The following IDH3A variants were observed in gnomAD, a reference collection of about 807,000 sequenced individuals.
IDH3A encodes isocitrate dehydrogenase [NAD] subunit alpha, mitochondrial.
A neutral mutation model predicts 43.3 loss-of-function variants in IDH3A; 23 were observed. The ratio of observed to expected loss-of-function variants is 0.53; its 90% confidence interval spans 0.38 to 0.75. The LOEUF is 0.75. IDH3A is among the 30% of genes least tolerant of loss of function. The probability of loss-of-function intolerance (pLI) is 0.00; values close to 1 mark genes in which losing one functional copy is unlikely to be tolerated. For synonymous variants in IDH3A, 154 were observed against 163.5 expected, an observed-to-expected ratio of 0.94 and a Z score of 0.44; for missense variants, 329 against 474.4, an observed-to-expected ratio of 0.69 and a Z score of 2.85.
Position 78,162,275 on chromosome 15 carries a change from G to A in IDH3A, c.519G>A (p.Glu173=), listed in dbSNP as rs143867352. ...TGCAGAGTATCAAGCTCATCACCGAGGGGGCGAGCAAGCGCATTGCTGAGT... is the reference window on the plus strand; with the variant it reads ...TGCAGAGTATCAAGCTCATCACCGAAGGGGCGAGCAAGCGCATTGCTGAGT... ...GVVQSIKLIT[E]GASKRIAEFA... is the part of the protein sequence containing the mutation. Residue 173 remains glutamate, a synonymous_variant, in exon 6 of 11, where the codon GAG becomes GAA. Coordinates refer to ENST00000299518, the MANE Select transcript of IDH3A (RefSeq NM_005530.3). 1.7e-5 allele frequency: 28 copies of A among 1,614,090 alleles called. No individual in the cohort carries two copies. Among genetic ancestry groups the A allele is most frequent in the South Asian group, 1.2e-4 (11 of 91,094 alleles).
Position 78,171,368 on chromosome 15 carries a change from G to A in IDH3A, c.*2363G>A. On this transcript the variant is annotated 3_prime_UTR_variant, in exon 11 of 11. Transcript: ENST00000299518. Reference sequence around the variant, plus strand: ...TGGCAGAAATGCCTGTGCCCAGACTGAAGAGACCTGGGGCTCAGGAAGAGG... The same window carrying A: ...TGGCAGAAATGCCTGTGCCCAGACTAAAGAGACCTGGGGCTCAGGAAGAGG... 2 of 1,275,126 alleles carry A rather than the reference G, an allele frequency of 1.6e-6. No individual in the cohort carries two copies. The highest frequency in any genetic ancestry group is 1.9e-4 in the Middle Eastern group (1 of 5,340). 79.0% of individuals were successfully genotyped at this position (1,275,126 alleles called of 1,614,324 possible).
At chr15:78,153,089 C>T (rs1003709297) in intron 1 of IDH3A, among the ~76,000 whole-genome samples, 12 of 151,844 alleles carry the variant, frequency 7.9e-5, no homozygotes, top group East Asian at 3.9e-4. Context: ...TTGTTTGAGT[C>T]GGGTCTTTTT....
rs780918706 is a variant in IDH3A, at chr15:78,149,442, C to T, written c.27+12C>T. 2 of 1,538,298 alleles carry T rather than the reference C, an allele frequency of 1.3e-6. No individual in the cohort carries two copies. The highest frequency in any genetic ancestry group is 2.6e-5 in the East Asian group (1 of 39,050). ...CGTGGATCTCTAAGGTGAGCGCTGG[C>T]AGGCCGGCGTGTGGCAGGCAGGCAG... On this transcript the variant is annotated intron_variant, in intron 1 of 10. Transcript: ENST00000299518.
rs2074805970 is a variant in IDH3A, at chr15:78,170,435, T to G, written c.*1430T>G. The G allele has an allele frequency of 6.6e-6, 1 of 152,098 alleles. No homozygotes were observed. 9.4% of individuals were successfully genotyped at this position (152,098 alleles called of 1,614,324 possible). On this transcript the variant is annotated 3_prime_UTR_variant, in exon 11 of 11. Coordinates refer to ENST00000299518, the MANE Select transcript of IDH3A (RefSeq NM_005530.3). Reference sequence around the variant, plus strand: ...TGTAACCGCCCCCCCAGACTTATAATCTTAAATGTATTTTCCTTTGTTTAA... The same window carrying G: ...TGTAACCGCCCCCCCAGACTTATAAGCTTAAATGTATTTTCCTTTGTTTAA...
chr15:78,154,516 C>T (rs932754811), intron 1 of IDH3A: 4 of 152,228 alleles, frequency 2.6e-5, no homozygotes, highest in African/African-American at 9.7e-5. Context: ...GCCAATTATT[C>T]GCTGTGTGAC....
chr15:78,157,190 GTTGTTGTCT>G, intron 2 of IDH3A: 1 of 1,114,202 alleles, frequency 9.0e-7, no homozygotes, highest in South Asian at 2.3e-5. Context: ...ATTTTTTGTT[GTTGTTGTCT>G]TTGGTTTAAA....
At position 78,171,408 on chromosome 15, in the gene IDH3A, C is replaced by T. The variant is rs778150048; in HGVS notation, c.*2403C>T. ...TCAGGAAGAGGCTCGGAACGCCTGC[C>T]CTCTATTCTATAGAAACTGCAGGCA... is the stretch of plus-strand genomic sequence containing the variant. On this transcript the variant is annotated 3_prime_UTR_variant, in exon 11 of 11. Coordinates refer to ENST00000299518, the MANE Select transcript of IDH3A (RefSeq NM_005530.3). The T allele has an allele frequency of 1.3e-5, 20 of 1,571,578 alleles. No homozygotes were observed. The South Asian group carries it at 2.2e-4, about 17-fold the overall frequency.
Position 78,166,176 on chromosome 15 carries a change from A to G in IDH3A, c.891A>G (p.Ala297=). ...TTCATGGGACGGCTCCAGACATTGC[A>G]GGCAAGGACATGGCGAATCCCACAG... is the stretch of plus-strand genomic sequence containing the variant. ...ESVHGTAPDI[A]GKDMANPTAL... Residue 297 remains alanine, a synonymous_variant, in exon 10 of 11, where the codon GCA becomes GCG. Transcript: ENST00000299518. The G allele has an allele frequency of 6.2e-7, 1 of 1,614,156 alleles. No individual in the cohort carries two copies. Among genetic ancestry groups the G allele is most frequent in the South Asian group, 1.1e-5 (1 of 91,082 alleles).
At chr15:78,157,506 C>A in intron 2 of IDH3A, 42 bp from the exon 3 acceptor site, 1 of 1,451,128 alleles carries the variant, frequency 6.9e-7, no homozygotes, top group Non-Finnish European at 9.5e-7. Context: ...CCTTCAAAAA[C>A]AAAAATTCTT....
At chr15:78,152,258 C>T (rs2141938614) in intron 1 of IDH3A, among the ~76,000 whole-genome samples, 1 of 151,584 alleles carries the variant, frequency 6.6e-6, no homozygotes, top group Non-Finnish European at 1.5e-5. Flanking sequence ...AGGGTTTCAC[C>T]ATGTTGGCCA....
Position 78,161,421 on chromosome 15 carries a change from G to C in IDH3A, c.290-160G>C, listed in dbSNP as rs939508705. ...GATAAGAAACGCAGTTAATGTTCCA[G>C]AAAGCTCCCGTGAGGAAGTGTTCCT... On this transcript the variant is annotated intron_variant, in intron 4 of 10. Coordinates refer to ENST00000299518, the MANE Select transcript of IDH3A (RefSeq NM_005530.3). The surrounding 1 kb of genome is among the most constrained non-coding windows in gnomAD (Gnocchi z 4.8). 7.2e-5 allele frequency among the ~76,000 whole-genome samples: 11 copies of C among 152,190 alleles called. No individual in the cohort carries two copies. Among genetic ancestry groups the C allele is most frequent in the African/African-American group, 2.7e-4 (11 of 41,442 alleles).
Position 78,157,545 on chromosome 15 carries a change from C to G in IDH3A, c.91-3C>G. The G allele has an allele frequency of 6.3e-7, 1 of 1,593,482 alleles. No homozygotes were observed. The highest frequency in any genetic ancestry group is 8.6e-7 in the Non-Finnish European group (1 of 1,169,086). Reference sequence around the variant, plus strand: ...GTCTTCTTTGATGATTTCTTATGTTCAGGTTCAGACAGTAACTTTAATTCC... The same window carrying G: ...GTCTTCTTTGATGATTTCTTATGTTGAGGTTCAGACAGTAACTTTAATTCC... On this transcript the variant is annotated splice_polypyrimidine_tract_variant and splice_region_variant and intron_variant, in intron 2 of 10. Transcript: ENST00000299518.
chr15:78,158,531 C>T (rs1329907762), intron 3 of IDH3A, among the ~76,000 whole-genome samples: 1 of 119,638 alleles, frequency 8.4e-6, no homozygotes, highest in African/African-American at 3.2e-5. Flanking sequence ...GGCTGAAGTG[C>T]GATGGAGCAA....
chr15:78,162,506 G>A (rs2074692992), intron 6 of IDH3A, 139 bp downstream of exon 6: 1 of 851,812 alleles, frequency 1.2e-6, no homozygotes, highest in South Asian at 1.8e-5. Flanking sequence ...CCAAAGATAC[G>A]GCATCTCTCT....
intron 10 of IDH3A, among the ~76,000 whole-genome samples, chr15:78,167,110 T>C (rs527787189): frequency 6.6e-6 from 1 of 152,374 alleles, no homozygotes; most frequent in East Asian, 1.9e-4. Flanking sequence ...TCTTATATGT[T>C]ACACTGTGTG....
intron 2 of IDH3A, among the ~76,000 whole-genome samples, chr15:78,156,015 T>G (rs1329758012): frequency 6.6e-6 from 1 of 152,220 alleles, no homozygotes; most frequent in African/African-American, 2.4e-5. Flanking sequence ...CTCCATTTAC[T>G]TTCTGTATTG....
At chr15:78,152,162 G>C (rs755364536) in intron 1 of IDH3A, among the ~76,000 whole-genome samples, 2 of 145,966 alleles carry the variant, frequency 1.4e-5, no homozygotes, top group Non-Finnish European at 3.0e-5. Context: ...GGGTTCAAGC[G>C]ATTCTCCTGC....
In IDH3A at chr15:78,163,662, G is replaced by C. The variant is rs141602892; in HGVS notation, c.714+53G>C. The C allele has an allele frequency of 7.3e-3, 11,304 of 1,552,288 alleles. 149 individuals carry two copies. The highest frequency in any genetic ancestry group is 0.04 in the South Asian group (3,628 of 89,770). On this transcript the variant is annotated intron_variant, in intron 7 of 10. Coordinates refer to ENST00000299518, the MANE Select transcript of IDH3A (RefSeq NM_005530.3). Reference sequence around the variant, plus strand: ...ACTTTTTATGGTGAATGGTGTCTGTGTGTTGTGGGGATGCAGATTTTGATT... The same window carrying C: ...ACTTTTTATGGTGAATGGTGTCTGTCTGTTGTGGGGATGCAGATTTTGATT...
intron 1 of IDH3A, among the ~76,000 whole-genome samples, chr15:78,152,284 C>T (rs1330235184): frequency 1.3e-5 from 2 of 151,398 alleles, no homozygotes; most frequent in Non-Finnish European, 2.9e-5. Context: ...GTCTTGAACC[C>T]TGACCTCAGG....
Sources: gnomAD v4.1 joint callset for allele counts (sites outside exome capture counted in the v4.1 genomes callset) on GRCh38, gnomAD v4.1.1 for gene constraint, Gnocchi (gnomAD v3.1) non-coding constraint, MANE v1.5 for transcripts, NCBI Gene and HGNC (gene_info 2026-07-23, HGNC 2026-07-21) for gene names.